Variants in OSBP2 observed in about 807,000 individuals in gnomAD.
OSBP2 encodes the protein oxysterol binding protein 2.
OSBP2 carries 66 observed loss-of-function variants against 96.0 expected under a neutral mutation model. The ratio of observed to expected loss-of-function variants is 0.69; its 90% confidence interval spans 0.56 to 0.84. The LOEUF is 0.84. OSBP2 is among the 40% of genes least tolerant of loss of function. OSBP2 has a pLI of 0.00. For missense variants in OSBP2, 1,038 were observed against 1,222.7 expected (o/e 0.85, Z 2.25); for synonymous variants, 525 against 520.9 (o/e 1.01, Z -0.11).
chr22:30,733,040 C>T (rs867693520), intron 1 of OSBP2, among the ~76,000 whole-genome samples: 2 of 152,306 alleles, frequency 1.3e-5, no homozygotes, highest in Middle Eastern at 3.4e-3. Flanking sequence ...AAGGCAACCT[C>T]ATTACCAAAA....
intron 2 of OSBP2, among the ~76,000 whole-genome samples, chr22:30,838,787 T>G (rs1602338476): frequency 1.3e-5 from 2 of 152,210 alleles, no homozygotes; most frequent in East Asian, 3.9e-4. Flanking sequence ...TTTTTATATT[T>G]TGGTCCCACC....
chr22:30,784,447 C>T lies in OSBP2; in HGVS notation c.853+43078C>T, dbSNP rs149147321. ...TAAAAAAAAAAAATTTTTTTAAAGA[C>T]GAGGTCGTGCTATGTTGCCCAGGCT... On this transcript the variant is annotated intron_variant, in intron 2 of 13. Transcript: ENST00000332585. Among the ~76,000 whole-genome samples, 29 of 151,874 alleles carry T rather than the reference C, an allele frequency of 1.9e-4. 1 individual carries two copies. In the East Asian group the frequency reaches 2.5e-3, roughly 13 times the overall value.
intron 2 of OSBP2, among the ~76,000 whole-genome samples, chr22:30,805,203 C>T (rs906709056): frequency 7.9e-5 from 12 of 152,194 alleles, no homozygotes; most frequent in Non-Finnish European, 1.0e-4. Context: ...CACATGCAAG[C>T]CTGCATTTAT....
chr22:30,852,689 C>T (rs139683141), intron 2 of OSBP2, among the ~76,000 whole-genome samples: 3 of 151,950 alleles, frequency 2.0e-5, no homozygotes, highest in Non-Finnish European at 2.9e-5. Flanking sequence ...ATAATTTACT[C>T]CTCTTTTTCT....
Position 30,859,975 on chromosome 22 carries a change from T to C in OSBP2, c.854-10454T>C, listed in dbSNP as rs76476115. On this transcript the variant is annotated intron_variant, in intron 2 of 13. Transcript: ENST00000332585. ...GAGCTAGGAGGCAGCACCCAGGCCA[T>C]GAGGGACAAATGTGGAGCAAGGGAT... 9.8e-3 allele frequency among the ~76,000 whole-genome samples: 1,489 copies of C among 152,106 alleles called. 25 individuals carry two copies. The highest frequency in any genetic ancestry group is 0.034 in the African/African-American group (1,430 of 41,478).
At chr22:30,704,860 A>T (rs914704586) in intron 1 of OSBP2, among the ~76,000 whole-genome samples, 1 of 152,332 alleles carries the variant, frequency 6.6e-6, no homozygotes, top group East Asian at 1.9e-4. Flanking sequence ...GCTACCAGAC[A>T]CTAGCCAAAG....
chr22:30,726,496 A>G (rs136371), intron 1 of OSBP2, among the ~76,000 whole-genome samples: 120,248 of 151,568 alleles, frequency 0.79, 48,003 homozygotes, highest in East Asian at 0.98. Flanking sequence ...GGGGACAAGG[A>G]GAGGGAGAGC....
chr22:30,859,090 T>A (rs1336388029), intron 2 of OSBP2, among the ~76,000 whole-genome samples: 1 of 151,936 alleles, frequency 6.6e-6, no homozygotes, highest in Non-Finnish European at 1.5e-5. Flanking sequence ...GGGCCCTCTG[T>A]CTCAGCTTGC....
chr22:30,708,825 G>A (rs1041793723), intron 1 of OSBP2, among the ~76,000 whole-genome samples: 3 of 151,680 alleles, frequency 2.0e-5, no homozygotes, highest in Admixed American at 6.6e-5. Flanking sequence ...CACAGGCCAG[G>A]GGGGTTGGCT....
intron 2 of OSBP2, among the ~76,000 whole-genome samples, chr22:30,797,598 A>G (rs907223335): frequency 3.7e-5 from 5 of 134,794 alleles, no homozygotes; most frequent in Non-Finnish European, 8.0e-5. Flanking sequence ...ATTTTTATTT[A>G]ACTAATTTTT....
chr22:30,759,529 T>G (rs2090182054), intron 2 of OSBP2, among the ~76,000 whole-genome samples: 1 of 152,022 alleles, frequency 6.6e-6, no homozygotes, highest in Non-Finnish European at 1.5e-5. Context: ...AAAAGGACAA[T>G]ACTACAAAAA....
intron 2 of OSBP2, among the ~76,000 whole-genome samples, chr22:30,802,504 C>T (rs1010383827): frequency 2.2e-4 from 33 of 152,212 alleles, no homozygotes; most frequent in African/African-American, 8.0e-4. Flanking sequence ...AGGCAAAGGG[C>T]CGGCCCTCTC....
chr22:30,851,475 G>A (rs1370351260), intron 2 of OSBP2, among the ~76,000 whole-genome samples: 1 of 152,114 alleles, frequency 6.6e-6, no homozygotes, highest in East Asian at 1.9e-4. Flanking sequence ...TTTAGTTCAT[G>A]TGGCTTTTCT....
At chr22:30,802,356 A>G (rs1000531936) in intron 2 of OSBP2, among the ~76,000 whole-genome samples, 12 of 152,076 alleles carry the variant, frequency 7.9e-5, no homozygotes, top group Admixed American at 6.6e-5. Flanking sequence ...CCAAGTGGGG[A>G]TGGGACCGCA....
rs2038252375 is a variant in OSBP2 at position 30,820,531 on chromosome 22, G to C, written c.854-49898G>C. Reference sequence around the variant, plus strand: ...TCTTTAAGGGACCTTGCAGAGCATGGTTCTCTGAGTGTGGCCTCTGAGGTC... The same window carrying C: ...TCTTTAAGGGACCTTGCAGAGCATGCTTCTCTGAGTGTGGCCTCTGAGGTC... On this transcript the variant is annotated intron_variant, in intron 2 of 13. Coordinates refer to ENST00000332585, the MANE Select transcript of OSBP2 (RefSeq NM_030758.4). Among the ~76,000 whole-genome samples, 3 of 152,172 alleles carry C rather than the reference G, an allele frequency of 2.0e-5. No homozygotes were observed. In the South Asian group the frequency reaches 6.2e-4, roughly 32 times the overall value.
At chr22:30,819,122 G>A (rs1475835613) in intron 2 of OSBP2, among the ~76,000 whole-genome samples, 1 of 152,200 alleles carries the variant, frequency 6.6e-6, no homozygotes, top group Non-Finnish European at 1.5e-5. Flanking sequence ...ATCACCTGAG[G>A]TCAGGAGTTC....
At chr22:30,839,848 T>G (rs558433448) in intron 2 of OSBP2, among the ~76,000 whole-genome samples, 4 of 152,048 alleles carry the variant, frequency 2.6e-5, no homozygotes, top group South Asian at 4.2e-4. Flanking sequence ...TTAGTTTAAT[T>G]AGATCCCATT....
At chr22:30,743,373 C>T (rs557967540) in intron 2 of OSBP2, among the ~76,000 whole-genome samples, 1 of 152,326 alleles carries the variant, frequency 6.6e-6, no homozygotes, top group South Asian at 2.1e-4. Flanking sequence ...GGGTCACCTG[C>T]TTGGTGACTG....
intron 1 of OSBP2, among the ~76,000 whole-genome samples, chr22:30,703,665 G>T (rs1241644177): frequency 6.6e-6 from 1 of 151,948 alleles, no homozygotes; most frequent in Non-Finnish European, 1.5e-5. Context: ...TAGTAGAGAC[G>T]GAGTTTCACC....
Sources: allele counts gnomAD v4.1 joint callset (sites outside exome capture counted in the v4.1 genomes callset), GRCh38; gene constraint gnomAD v4.1.1; transcripts MANE v1.5; gene names NCBI Gene and HGNC (gene_info 2026-07-23, HGNC 2026-07-21).